SYT13: variants seen among roughly 807,000 people sequenced by gnomAD.
SYT13 encodes the protein synaptotagmin-13.
A neutral mutation model predicts 38.6 loss-of-function variants in SYT13; 21 were observed. The ratio of observed to expected loss-of-function variants is 0.54; its 90% CI spans 0.39 to 0.78. SYT13 has a LOEUF of 0.78. Ranked by LOEUF, SYT13 falls within the 30% of genes least tolerant of loss-of-function variation. The pLI is 0.00. For synonymous variants in SYT13, 241 were observed against 237.6 expected, an observed-to-expected ratio of 1.01 and a Z score of -0.13; for missense variants, 495 against 548.7, an observed-to-expected ratio of 0.90 and a Z score of 0.98.
intron 1 of SYT13, among the ~76,000 whole-genome samples, chr11:45,283,396 A>G (rs1855097091): frequency 6.6e-6 from 1 of 152,210 alleles, no homozygotes; most frequent in Admixed American, 6.5e-5. Context: ...TCCTCAAGGA[A>G]CATCCTCAGA....
Position 45,252,940 on chromosome 11 carries a change from C to T in SYT13, c.545-218G>A, listed in dbSNP as rs1456115491. ...GCCTCAGCACATGCCGATTCTCTTT[C>T]TTGGAGAGCAGGGACAAGACTTGGC... On this transcript the variant is annotated intron_variant, in intron 3 of 5. Coordinates refer to ENST00000020926, the MANE Select transcript of SYT13 (RefSeq NM_020826.3). The surrounding 1 kb of genome is among the most constrained non-coding windows in gnomAD (Gnocchi z 4.3). Among the ~76,000 whole-genome samples, 1 of 152,178 alleles carries T rather than the reference C, an allele frequency of 6.6e-6. No homozygotes were observed. The highest frequency in any genetic ancestry group is 1.5e-5 in the Non-Finnish European group (1 of 68,018).
At chr11:45,255,330 C>T (rs1854730961) in intron 2 of SYT13, among the ~76,000 whole-genome samples, 2 of 152,164 alleles carry the variant, frequency 1.3e-5, no homozygotes, top group African/African-American at 2.4e-5. Context: ...CCATGCCACA[C>T]AATAAGTGTA....
intron 1 of SYT13, among the ~76,000 whole-genome samples, chr11:45,259,171 T>C (rs1468454598): frequency 6.6e-6 from 1 of 151,990 alleles, no homozygotes; most frequent in African/African-American, 2.4e-5. Flanking sequence ...CTCCCTCCCA[T>C]TCATCGGCAC....
chr11:45,255,990 C>G, intron 1 of SYT13, 99 bp from the exon 2 acceptor site: 8 of 1,253,862 alleles, frequency 6.4e-6, no homozygotes, highest in Non-Finnish European at 9.1e-6. Context: ...TTGTAGGATG[C>G]AGAGGGAGAG....
Position 45,241,839 on chromosome 11 carries a change from A to G in SYT13, c.*2213T>C, listed in dbSNP as rs1854555567. ...GGTGAAGAGATCTCTAAAACATTTC[A>G]TAGGAAGCCACTAACAAGTGCTTTG... On this transcript the variant is annotated 3_prime_UTR_variant, in exon 6 of 6. Coordinates refer to ENST00000020926, the MANE Select transcript of SYT13 (RefSeq NM_020826.3). The G allele has an allele frequency of 6.6e-6, 1 of 152,238 alleles. No homozygotes were observed. The allele number at this position is 152,238 out of a possible 1,614,324, so 9.4% of individuals were successfully genotyped here.
chr11:45,266,803 G>A (rs976877987), intron 1 of SYT13, among the ~76,000 whole-genome samples: 9 of 152,182 alleles, frequency 5.9e-5, no homozygotes, highest in Non-Finnish European at 1.5e-5. Context: ...TCCTTCTGTA[G>A]AGGAAGGCAC....
rs866466814 is a variant in SYT13, at chr11:45,254,430, T to C, written c.410-26A>G. The stretch of plus-strand genomic sequence containing the variant: ...CTGTTAAGAAAGTCGAAATCGTCAC[T>C]GCCACCCACACTGGGGTTCTGCTTT... On this transcript the variant is annotated intron_variant, in intron 2 of 5. Coordinates refer to ENST00000020926, the MANE Select transcript of SYT13 (RefSeq NM_020826.3). 2.5e-6 allele frequency: 4 copies of C among 1,606,384 alleles called. No homozygotes were observed. The Middle Eastern group carries it at 6.6e-4, about 267-fold the overall frequency.
intron 1 of SYT13, among the ~76,000 whole-genome samples, chr11:45,265,154 C>T (rs1032787383): frequency 2.0e-5 from 3 of 152,154 alleles, no homozygotes; most frequent in African/African-American, 7.2e-5. Flanking sequence ...GAATATTCCT[C>T]GACCAACAAA....
chr11:45,257,446 C>A (rs1484465510), intron 1 of SYT13, among the ~76,000 whole-genome samples: 1 of 152,144 alleles, frequency 6.6e-6, no homozygotes, highest in Non-Finnish European at 1.5e-5. Context: ...TCCATGCTAG[C>A]CCTCCTGGCC....
At chr11:45,265,479 G>A (rs187984842) in intron 1 of SYT13, among the ~76,000 whole-genome samples, 6 of 152,302 alleles carry the variant, frequency 3.9e-5, no homozygotes, top group East Asian at 3.9e-4. Flanking sequence ...AAAACTTACC[G>A]TAAACTGGGT....
chr11:45,273,805 G>T (rs537585236), intron 1 of SYT13, among the ~76,000 whole-genome samples: 1 of 152,192 alleles, frequency 6.6e-6, no homozygotes, highest in Non-Finnish European at 1.5e-5. Flanking sequence ...CATTTATCAC[G>T]TCTGGAATAC....
chr11:45,284,674 G>A (rs1855112914), intron 1 of SYT13, among the ~76,000 whole-genome samples: 1 of 152,142 alleles, frequency 6.6e-6, no homozygotes, highest in Non-Finnish European at 1.5e-5. Context: ...TGCCTGGAGA[G>A]ACATCACTGA....
At chr11:45,244,844 T>C (rs2863175) in intron 5 of SYT13, among the ~76,000 whole-genome samples, 113,343 of 152,074 alleles carry the variant, frequency 0.75, 44,207 homozygotes, top group Non-Finnish European at 0.88. Context: ...TGGCCTGTGA[T>C]TGGGGCATGT....
chr11:45,248,756 TG>T (rs1379961303), intron 4 of SYT13, among the ~76,000 whole-genome samples: 1 of 152,208 alleles, frequency 6.6e-6, no homozygotes, highest in Non-Finnish European at 1.5e-5. Flanking sequence ...TTGAGTCCTC[TG>T]CTACCTACAG....
chr11:45,243,852 C>T lies in SYT13; in HGVS notation c.*200G>A, dbSNP rs1854581632. 1.7e-6 allele frequency: 1 copy of T among 589,484 alleles called. No individual in the cohort carries two copies. The highest frequency in any genetic ancestry group is 2.9e-6 in the Non-Finnish European group (1 of 339,136). The allele number at this position is 589,484 out of a possible 1,614,324, so 36.5% of individuals were successfully genotyped here. A position where few individuals can be genotyped will look rare whatever the true frequency, so the allele number is the denominator to read the frequency against. On this transcript the variant is annotated 3_prime_UTR_variant, in exon 6 of 6. Coordinates refer to ENST00000020926, the MANE Select transcript of SYT13 (RefSeq NM_020826.3). ...TAACACAGATGAGCAAAATGCATTC[C>T]TCAGTGTGACCCGCATATTCCATTT... is the stretch of plus-strand genomic sequence containing the variant.
chr11:45,250,752 A>G (rs1271748744), intron 4 of SYT13, among the ~76,000 whole-genome samples: 1 of 152,148 alleles, frequency 6.6e-6, no homozygotes, highest in Admixed American at 6.5e-5. Context: ...TGGAGCAAGG[A>G]GGAAATCATA....
chr11:45,246,276 T>C, intron 5 of SYT13, 107 bp downstream of exon 5: 1 of 1,493,824 alleles, frequency 6.7e-7, no homozygotes, highest in Non-Finnish European at 9.0e-7. Context: ...GTGCTCATAT[T>C]CCACCTCCCT....
chr11:45,244,105 T>A lies in SYT13; in HGVS notation c.1228A>T (p.Met410Leu). Residue 410 changes from methionine (M) to leucine (L), a missense_variant, in exon 6 of 6, where the codon ATG becomes TTG. Met to Leu is a conservative substitution (Grantham distance 15). Transcript: ENST00000020926. ...ATCTGCCGGCGAGGGTTTTTGAGCATCTCCTCCCAGTGGCTGCGCTCAGAG... is the reference window on the plus strand; with the variant it reads ...ATCTGCCGGCGAGGGTTTTTGAGCAACTCCTCCCAGTGGCTGCGCTCAGAG... ...SGSERSHWEEMLKNPRRQIAM... is the reference protein window; with the variant it reads ...SGSERSHWEELLKNPRRQIAM... 1 of 1,611,538 alleles carries A rather than the reference T, an allele frequency of 6.2e-7. No homozygotes were observed. The highest frequency in any genetic ancestry group is 8.5e-7 in the Non-Finnish European group (1 of 1,179,416).
At chr11:45,281,063 G>T (rs1408693703) in intron 1 of SYT13, among the ~76,000 whole-genome samples, 2 of 152,110 alleles carry the variant, frequency 1.3e-5, no homozygotes, top group African/African-American at 4.8e-5. Flanking sequence ...GGGCATGGTG[G>T]TAGGTGCCTG....
Sources: allele counts gnomAD v4.1 joint callset (sites outside exome capture counted in the v4.1 genomes callset), GRCh38; gene constraint gnomAD v4.1.1; non-coding constraint Gnocchi (gnomAD v3.1); transcripts MANE v1.5; gene names NCBI Gene and HGNC (gene_info 2026-07-23, HGNC 2026-07-21).